Variants in CSTPP1 observed in about 807,000 individuals in gnomAD.
CSTPP1 encodes the protein UPF0705 protein C11orf49.
chr11:47,156,079 C>T, the CSTPP1 span: 1 of 152,234 alleles, frequency 6.6e-6, no homozygotes, highest in Non-Finnish European at 1.5e-5. Context: ...AGGTGGCCTT[C>T]CTGCCAACTG....
the CSTPP1 span, among the ~76,000 whole-genome samples, chr11:47,038,373 A>T: frequency 1.3e-5 from 1 of 76,840 alleles, no homozygotes; most frequent in African/African-American, 3.7e-5. Flanking sequence ...GGCCGGACAG[A>T]GGGGCTCCTC....
the CSTPP1 span, chr11:47,160,339 C>G: frequency 6.7e-6 from 1 of 149,274 alleles, no homozygotes; most frequent in East Asian, 2.0e-4. Flanking sequence ...CATTCAACCA[C>G]TTTTACTGCA....
chr11:47,005,593 G>C, the CSTPP1 span, among the ~76,000 whole-genome samples: 1 of 152,074 alleles, frequency 6.6e-6, no homozygotes, highest in Non-Finnish European at 1.5e-5. Flanking sequence ...GGTAGAGTTT[G>C]GATAAACAAA....
chr11:47,000,430 T>C, the CSTPP1 span, among the ~76,000 whole-genome samples: 1 of 152,164 alleles, frequency 6.6e-6, no homozygotes, highest in Non-Finnish European at 1.5e-5. Flanking sequence ...CATACTAATA[T>C]AGAAAAGAAT....
chr11:47,044,234 G>A, the CSTPP1 span, among the ~76,000 whole-genome samples: 51 of 152,118 alleles, frequency 3.4e-4, no homozygotes, highest in African/African-American at 8.4e-4. Flanking sequence ...TGACCCACCC[G>A]CCTCGACCTC....
the CSTPP1 span, among the ~76,000 whole-genome samples, chr11:47,108,773 C>T: frequency 7.2e-6 from 1 of 139,550 alleles, no homozygotes; most frequent in Admixed American, 8.0e-5. Flanking sequence ...GTGGCACAAT[C>T]TCAGCTCACT....
chr11:47,129,668 G>C, the CSTPP1 span, among the ~76,000 whole-genome samples: 14 of 152,202 alleles, frequency 9.2e-5, no homozygotes, highest in Admixed American at 6.5e-4. Flanking sequence ...TAAGCCACCA[G>C]TGGTGGTTCA....
At chr11:46,998,801 T>TGGGGTGCAGTGG in the CSTPP1 span, among the ~76,000 whole-genome samples, 2 of 152,166 alleles carry the variant, frequency 1.3e-5, no homozygotes, top group Admixed American at 6.5e-5. Context: ...AGTGGCGCGA[T>TGGGGTGCAGTGG]CTCGGCTCAC....
At chr11:47,151,705 G>A in the CSTPP1 span, among the ~76,000 whole-genome samples, 1 of 151,436 alleles carries the variant, frequency 6.6e-6, no homozygotes, top group Non-Finnish European at 1.5e-5. Flanking sequence ...TTTTTAAAAG[G>A]TAGCCAGTCT....
At chr11:47,142,348 C>T in the CSTPP1 span, among the ~76,000 whole-genome samples, 1 of 151,802 alleles carries the variant, frequency 6.6e-6, no homozygotes, top group Non-Finnish European at 1.5e-5. Context: ...ACTGCAATTA[C>T]TTTTGCACCA....
At chr11:47,119,874 G>A in the CSTPP1 span, among the ~76,000 whole-genome samples, 1 of 152,132 alleles carries the variant, frequency 6.6e-6, no homozygotes, top group Non-Finnish European at 1.5e-5. Flanking sequence ...GCTTCCCAAA[G>A]TGCTGGGATT....
chr11:47,057,366 AT>A, the CSTPP1 span, among the ~76,000 whole-genome samples: 5 of 152,186 alleles, frequency 3.3e-5, no homozygotes, highest in African/African-American at 1.2e-4. Context: ...TTCAATTAGA[AT>A]TTAATTTTCA....
the CSTPP1 span, among the ~76,000 whole-genome samples, chr11:47,018,344 GAATGCAGTGGTGC>G: frequency 3.4e-5 from 5 of 145,388 alleles, no homozygotes. Flanking sequence ...ACCCAGGCTG[GAATGCAGTGGTGC>G]AATGTTGGCT....
chr11:47,121,043 T>G, the CSTPP1 span, among the ~76,000 whole-genome samples: 1 of 152,250 alleles, frequency 6.6e-6, no homozygotes, highest in Non-Finnish European at 1.5e-5. Context: ...CTTATGTAAT[T>G]TAACTCCTCT....
At chr11:46,997,489 G>A in the CSTPP1 span, among the ~76,000 whole-genome samples, 5 of 152,194 alleles carry the variant, frequency 3.3e-5, no homozygotes, top group African/African-American at 9.6e-5. Flanking sequence ...GCTTCTTTGC[G>A]ATGGATTCGG....
the CSTPP1 span, among the ~76,000 whole-genome samples, chr11:47,147,660 T>C: frequency 9.2e-5 from 14 of 151,942 alleles, 1 homozygote; most frequent in Non-Finnish European, 1.5e-4. Flanking sequence ...CAGCACAGAG[T>C]CCACTCTTTC....
At chr11:46,998,485 A>G in the CSTPP1 span, among the ~76,000 whole-genome samples, 2 of 152,254 alleles carry the variant, frequency 1.3e-5, no homozygotes, top group Non-Finnish European at 2.9e-5. Flanking sequence ...TGACACTTCC[A>G]TAAGTCTATG....
chr11:47,053,762 T>C, the CSTPP1 span, among the ~76,000 whole-genome samples: 1 of 147,540 alleles, frequency 6.8e-6, no homozygotes, highest in Non-Finnish European at 1.5e-5. Flanking sequence ...GACAACATAC[T>C]GAGACTTCGT....
the CSTPP1 span, among the ~76,000 whole-genome samples, chr11:46,963,126 T>C: frequency 6.6e-6 from 1 of 152,128 alleles, no homozygotes; most frequent in Admixed American, 6.5e-5. Flanking sequence ...TCTTGCCTAA[T>C]TGTGCTGGTT....
Sources: allele counts gnomAD v4.1 joint callset (sites outside exome capture counted in the v4.1 genomes callset), GRCh38; gene constraint gnomAD v4.1.1; transcripts MANE v1.5; gene names NCBI Gene and HGNC (gene_info 2026-07-23, HGNC 2026-07-21).